Variants in GRAMD1B observed in about 807,000 individuals in gnomAD.
GRAMD1B encodes GRAM domain containing 1B.
Under a neutral mutation model 99.7 loss-of-function variants are expected in GRAMD1B, and 37 were observed. The ratio of observed to expected loss-of-function variants is 0.37; its 90% confidence interval spans 0.29 to 0.49. The LOEUF (loss-of-function observed/expected upper bound fraction) is 0.49. Ranked by LOEUF, GRAMD1B falls within the 20% of genes least tolerant of loss-of-function variation. GRAMD1B has a pLI of 0.98. For missense variants in GRAMD1B, 888 were observed against 1,009.2 expected (o/e 0.88, Z 1.63); for synonymous variants, 427 against 387.6 (o/e 1.10, Z -1.19).
At chr11:123,407,889 A>G (rs1317962685) in intron 1 of GRAMD1B, among the ~76,000 whole-genome samples, 1 of 152,210 alleles carries the variant, frequency 6.6e-6, no homozygotes, top group Admixed American at 6.5e-5. Flanking sequence ...AGGCTTTTCC[A>G]TAGACAATAG....
At chr11:123,476,896 TTC>T (rs1457174026) in intron 1 of GRAMD1B, among the ~76,000 whole-genome samples, 2 of 152,224 alleles carry the variant, frequency 1.3e-5, no homozygotes, top group African/African-American at 4.8e-5. Context: ...CATTTCTGCA[TTC>T]TGTGTTCCCA....
At chr11:123,605,983 A>G (rs550064378) in intron 10 of GRAMD1B, among the ~76,000 whole-genome samples, 3 of 152,294 alleles carry the variant, frequency 2.0e-5, no homozygotes, top group Admixed American at 6.5e-5. Context: ...CTGTTAATAG[A>G]GGAGGTAGAA....
At chr11:123,369,018 G>C (rs548123479) in intron 1 of GRAMD1B, among the ~76,000 whole-genome samples, 42 of 152,302 alleles carry the variant, frequency 2.8e-4, no homozygotes, top group African/African-American at 9.6e-4. Context: ...AATCAGGCTG[G>C]GCGCAGTGAC....
chr11:123,592,721 T>C (rs1202621392), intron 4 of GRAMD1B, among the ~76,000 whole-genome samples: 1 of 152,124 alleles, frequency 6.6e-6, no homozygotes, highest in East Asian at 1.9e-4. Flanking sequence ...GTTTTGTTTT[T>C]GTAGCCATTG....
intron 1 of GRAMD1B, among the ~76,000 whole-genome samples, chr11:123,423,146 A>G (rs1363227800): frequency 1.3e-5 from 2 of 152,014 alleles, no homozygotes; most frequent in African/African-American, 2.4e-5. Flanking sequence ...CGAAGCTCCA[A>G]TTTTCTTAGC....
At chr11:123,513,427 C>A (rs1371741868) in intron 2 of GRAMD1B, among the ~76,000 whole-genome samples, 1 of 151,978 alleles carries the variant, frequency 6.6e-6, no homozygotes, top group African/African-American at 2.4e-5. Flanking sequence ...CATCTGATAG[C>A]CTGACCTGAC....
intron 4 of GRAMD1B, among the ~76,000 whole-genome samples, chr11:123,586,030 C>T (rs1950033855): frequency 6.6e-6 from 1 of 152,106 alleles, no homozygotes; most frequent in South Asian, 2.1e-4. Context: ...GCTAGGTTTC[C>T]CTCTCTGTCT....
intron 2 of GRAMD1B, chr11:123,509,962 G>C (rs1371914300): frequency 1.3e-5 from 2 of 152,296 alleles, no homozygotes; most frequent in Non-Finnish European, 2.9e-5. Flanking sequence ...GAGTCTCTGG[G>C]AGTGGAGTGG....
intron 2 of GRAMD1B, 26 bp downstream of exon 2, chr11:123,480,919 T>C (rs1951561846): frequency 2.6e-6 from 1 of 385,096 alleles, no homozygotes; most frequent in African/African-American, 2.1e-5. Context: ...GAGGGCGAGA[T>C]GGGGGCAAAG....
rs182735029 is a variant in GRAMD1B, at chr11:123,513,854, C to T, written c.452+32961C>T. Among the ~76,000 whole-genome samples the T allele has an allele frequency of 1.9e-3, 285 of 151,968 alleles. 2 individuals carry two copies. Among genetic ancestry groups the T allele is most frequent in the African/African-American group, 6.7e-3 (277 of 41,444 alleles). ...TATTTTTTGTAGAAATGGAGTCTCACTATGTTGCCCAGGCTGGTCTCGAAC... is the reference window on the plus strand; with the variant it reads ...TATTTTTTGTAGAAATGGAGTCTCATTATGTTGCCCAGGCTGGTCTCGAAC... On this transcript the variant is annotated intron_variant, in intron 2 of 19. Coordinates refer to ENST00000635736, the MANE Select transcript of GRAMD1B (RefSeq NM_001387025.1).
At chr11:123,495,459 G>T (rs991769540) in intron 2 of GRAMD1B, among the ~76,000 whole-genome samples, 2 of 152,028 alleles carry the variant, frequency 1.3e-5, no homozygotes, top group Admixed American at 1.3e-4. Flanking sequence ...AATGTACAAT[G>T]ATTATTGACT....
chr11:123,534,868 GA>G (rs112376281), intron 2 of GRAMD1B, among the ~76,000 whole-genome samples: 3,302 of 146,080 alleles, frequency 0.023, 106 homozygotes, highest in African/African-American at 0.075. Context: ...CCATCTCAAA[GA>G]AAAAAAAAAA....
At chr11:123,453,477 C>G (rs1591571962) in intron 1 of GRAMD1B, among the ~76,000 whole-genome samples, 1 of 152,050 alleles carries the variant, frequency 6.6e-6, no homozygotes, top group Non-Finnish European at 1.5e-5. Context: ...CCACCACACA[C>G]AGCTAATTTT....
chr11:123,524,977 C>T (rs959474471), intron 2 of GRAMD1B, among the ~76,000 whole-genome samples: 6 of 152,186 alleles, frequency 3.9e-5, no homozygotes, highest in Non-Finnish European at 8.8e-5. Context: ...TAGGAGGAGC[C>T]TCTTCCCCAT....
rs1947329195 is a variant in GRAMD1B at position 123,565,987 on chromosome 11, CA to C, written c.453-11378del. 2.6e-5 allele frequency among the ~76,000 whole-genome samples: 4 copies of C among 152,194 alleles called. No individual in the cohort carries two copies. The South Asian group carries it at 8.3e-4, about 32-fold the overall frequency. On this transcript the variant is annotated intron_variant, in intron 2 of 19. Coordinates refer to ENST00000635736, the MANE Select transcript of GRAMD1B (RefSeq NM_001387025.1). ...AACTAGCTGAATATATGCCTAGCCA[CA>C]ATCTGTACTCTCATCCCGTGTCTTT...
chr11:123,379,578 A>G (rs1344324941), intron 1 of GRAMD1B, among the ~76,000 whole-genome samples: 2 of 152,220 alleles, frequency 1.3e-5, no homozygotes, highest in African/African-American at 4.8e-5. Context: ...TTATCCAACC[A>G]TCGGCTCATA....
rs763283753 is a variant in GRAMD1B at position 123,492,858 on chromosome 11, T to TCACA, written c.452+11968_452+11971dup. On this transcript the variant is annotated intron_variant, in intron 2 of 19. Transcript: ENST00000635736. The surrounding 1 kb of genome is among the most constrained non-coding windows in gnomAD (Gnocchi z 4.2). ...CTCTCTCTCTCTCTGTCTCTCTCTT[T>TCACA]CACACATACACACACACACACACAC... Among the ~76,000 whole-genome samples the TCACA allele has an allele frequency of 0.025, 3,309 of 131,712 alleles. 105 individuals carry two copies. The highest frequency in any genetic ancestry group is 0.066 in the African/African-American group (2,399 of 36,268). The allele number at this position is 131,712 out of a possible 152,430, so 86.4% of individuals were successfully genotyped here.
At chr11:123,619,294 A>C (rs1193980620) in intron 19 of GRAMD1B, 70 bp downstream of exon 19, 1 of 1,540,130 alleles carries the variant, frequency 6.5e-7, no homozygotes, top group Non-Finnish European at 8.7e-7. Flanking sequence ...ATGCTGTGAG[A>C]AAGATCCTCG....
chr11:123,526,572 C>T (rs1404877885), intron 2 of GRAMD1B, among the ~76,000 whole-genome samples: 1 of 152,168 alleles, frequency 6.6e-6, no homozygotes, highest in Non-Finnish European at 1.5e-5. Context: ...TTCCTTAGCC[C>T]TGACCAACAC....
Sources: allele counts gnomAD v4.1 joint callset (sites outside exome capture counted in the v4.1 genomes callset), GRCh38; gene constraint gnomAD v4.1.1; non-coding constraint Gnocchi (gnomAD v3.1); transcripts MANE v1.5; gene names NCBI Gene and HGNC (gene_info 2026-07-23, HGNC 2026-07-21).